The following CAMK4 variants were observed in gnomAD, a reference collection of about 807,000 sequenced individuals.
CAMK4 encodes the protein calcium/calmodulin-dependent protein kinase type IV.
Under a neutral mutation model 44.9 loss-of-function variants are expected in CAMK4, and 22 were observed. That is an observed-to-expected ratio of 0.49 (90% CI 0.35 to 0.70). The LOEUF (loss-of-function observed/expected upper bound fraction) is 0.70. Ranked by LOEUF, CAMK4 falls within the 30% of genes least tolerant of loss-of-function variation. The pLI, the probability that CAMK4 is intolerant of heterozygous loss-of-function variation, is 0.01. For synonymous variants in CAMK4, 218 were observed against 215.4 expected (o/e 1.01, Z -0.11); for missense variants, 498 against 586.8 (o/e 0.85, Z 1.56).
At chr5:111,409,456 GC>G (rs1407939852) in intron 5 of CAMK4, among the ~76,000 whole-genome samples, 1 of 152,232 alleles carries the variant, frequency 6.6e-6, no homozygotes, top group Admixed American at 6.5e-5. Flanking sequence ...CCTGGGTCAG[GC>G]CTATGAAACC....
chr5:111,481,659 C>A (rs1755438408), intron 9 of CAMK4, among the ~76,000 whole-genome samples: 6 of 152,130 alleles, frequency 3.9e-5, no homozygotes, highest in African/African-American at 1.4e-4. Flanking sequence ...AGATTGACCA[C>A]CTTGGAGACA....
At chr5:111,244,567 TATAAC>T (rs1240167491) in intron 1 of CAMK4, among the ~76,000 whole-genome samples, 1 of 152,202 alleles carries the variant, frequency 6.6e-6, no homozygotes, top group African/African-American at 2.4e-5. Context: ...TATATTAAAA[TATAAC>T]ATAAAATAGT....
chr5:111,396,682 C>A (rs1752025411), intron 5 of CAMK4, among the ~76,000 whole-genome samples: 1 of 123,968 alleles, frequency 8.1e-6, no homozygotes, highest in East Asian at 2.5e-4. Context: ...GCTCTGTCAC[C>A]CAGGCTGGAG....
chr5:111,323,447 G>A (rs1006326052), intron 1 of CAMK4, among the ~76,000 whole-genome samples: 1 of 151,946 alleles, frequency 6.6e-6, no homozygotes, highest in African/African-American at 2.4e-5. Context: ...AGCATTAAAT[G>A]CATTTTCCAC....
chr5:111,424,144 G>A (rs74370709), intron 5 of CAMK4, among the ~76,000 whole-genome samples: 4,231 of 152,284 alleles, frequency 0.028, 83 homozygotes, highest in South Asian at 0.044. Flanking sequence ...AAATGAGCAG[G>A]CAGAGACCTA....
chr5:111,227,846 A>G (rs1459664497), intron 1 of CAMK4, among the ~76,000 whole-genome samples: 1 of 152,260 alleles, frequency 6.6e-6, no homozygotes, highest in Non-Finnish European at 1.5e-5. Flanking sequence ...TACAAAAATC[A>G]TGACACACAC....
rs558340780 is a variant in CAMK4 at position 111,292,399 on chromosome 5, A to G, written c.162-51625A>G. On this transcript the variant is annotated intron_variant, in intron 1 of 10. Transcript: ENST00000282356. ...TGTGTACATATGTGTTTGTGTGTGT[A>G]TATGTATGTGTATATGTATGTGCAT... 5.9e-5 allele frequency among the ~76,000 whole-genome samples: 9 copies of G among 152,240 alleles called. No homozygotes were observed. The East Asian group carries it at 1.3e-3, about 23-fold the overall frequency.
chr5:111,352,837 T>G (rs1057096995), intron 2 of CAMK4, among the ~76,000 whole-genome samples: 1 of 152,000 alleles, frequency 6.6e-6, no homozygotes, highest in African/African-American at 2.4e-5. Flanking sequence ...CACCACAGCA[T>G]TGAGGATCAA....
rs1755837839 is a variant in CAMK4, at chr5:111,491,618, T to TA, written c.*7153dup. 1 of 152,146 alleles carries TA rather than the reference T, an allele frequency of 6.6e-6. No individual in the cohort carries two copies. The highest frequency in any genetic ancestry group is 2.4e-5 in the African/African-American group (1 of 41,432). 9.4% of individuals were successfully genotyped at this position (152,146 alleles called of 1,614,324 possible). ...GCATCACTCCTGAAGAAAAGAAATT[T>TA]AGAGTATGAATTGAGTTGGTTGAGA... On this transcript the variant is annotated 3_prime_UTR_variant, in exon 11 of 11. Transcript: ENST00000282356.
chr5:111,483,605 T>C (rs1194345743), intron 10 of CAMK4, among the ~76,000 whole-genome samples: 1 of 152,160 alleles, frequency 6.6e-6, no homozygotes, highest in East Asian at 1.9e-4. Context: ...CCAAATTAAA[T>C]AGTATTGACT....
chr5:111,476,269 G>T (rs141053227), intron 8 of CAMK4, among the ~76,000 whole-genome samples: 33,342 of 130,272 alleles, frequency 0.26, 3,765 homozygotes, highest in African/African-American at 0.31. Flanking sequence ...GTGTGTGTGT[G>T]TTTGTGTGTG....
intron 1 of CAMK4, among the ~76,000 whole-genome samples, chr5:111,237,118 A>G (rs1748765349): frequency 6.6e-6 from 1 of 152,180 alleles, no homozygotes; most frequent in Non-Finnish European, 1.5e-5. Context: ...CCAGAATCTT[A>G]GCACAATGCC....
chr5:111,448,713 G>C (rs1245972315), intron 6 of CAMK4, among the ~76,000 whole-genome samples: 1 of 152,068 alleles, frequency 6.6e-6, no homozygotes, highest in African/African-American at 2.4e-5. Context: ...GGCTGAGTCA[G>C]AGAATTGCTT....
At chr5:111,270,272 C>T (rs1313886875) in intron 1 of CAMK4, among the ~76,000 whole-genome samples, 1 of 152,206 alleles carries the variant, frequency 6.6e-6, no homozygotes, top group East Asian at 1.9e-4. Flanking sequence ...TAAAACCCCT[C>T]CTCATTAAGG....
intron 5 of CAMK4, among the ~76,000 whole-genome samples, chr5:111,427,829 G>A (rs1228131322): frequency 1.3e-5 from 2 of 152,378 alleles, no homozygotes; most frequent in East Asian, 1.9e-4. Flanking sequence ...CTGAAGGGAA[G>A]GTTACAAGCC....
At chr5:111,294,798 T>C (rs1747418804) in intron 1 of CAMK4, among the ~76,000 whole-genome samples, 1 of 152,206 alleles carries the variant, frequency 6.6e-6, no homozygotes. Context: ...TCCTCCTTTC[T>C]TGAAAAGCAG....
At chr5:111,413,169 A>G (rs1488237578) in intron 5 of CAMK4, among the ~76,000 whole-genome samples, 1 of 152,196 alleles carries the variant, frequency 6.6e-6, no homozygotes, top group Non-Finnish European at 1.5e-5. Flanking sequence ...GCCTAACATT[A>G]ATTTTCTAAT....
intron 1 of CAMK4, among the ~76,000 whole-genome samples, chr5:111,280,614 A>C (rs1418881501): frequency 3.9e-5 from 6 of 152,218 alleles, no homozygotes; most frequent in African/African-American, 1.4e-4. Context: ...TGTTCTGTTA[A>C]AAATCTAGGC....
chr5:111,448,977 T>C, intron 6 of CAMK4, 152 bp from the exon 7 acceptor site: 1 of 465,212 alleles, frequency 2.1e-6, no homozygotes, highest in Non-Finnish European at 3.9e-6. Context: ...TAGCTTCCTG[T>C]TGGGTGACTT....
Sources: gnomAD v4.1 joint callset for allele counts (sites outside exome capture counted in the v4.1 genomes callset) on GRCh38, gnomAD v4.1.1 for gene constraint, MANE v1.5 for transcripts, NCBI Gene and HGNC (gene_info 2026-07-23, HGNC 2026-07-21) for gene names.